The following LYPD6B variants were observed in gnomAD, a reference collection of about 807,000 sequenced individuals.
The protein encoded by LYPD6B is LY6/PLAUR domain containing 6B.
Under a neutral mutation model 22.8 loss-of-function variants are expected in LYPD6B, and 17 were observed. That is an observed-to-expected ratio of 0.75 (90% CI 0.51 to 1.12). The LOEUF (loss-of-function observed/expected upper bound fraction) is 1.12, where lower values mean the gene tolerates loss of function less well. Among genes scored for constraint, LYPD6B ranks in the 50% most tolerant of loss-of-function variants. LYPD6B has a pLI of 0.00. For missense variants in LYPD6B, 221 were observed against 258.3 expected (o/e 0.86, Z 0.99); for synonymous variants, 106 against 91.6 (o/e 1.16, Z -0.90).
Position 149,213,138 on chromosome 2 carries a change from G to A in LYPD6B, c.459+16G>A, listed in dbSNP as rs762591046. 2 of 1,613,074 alleles carry A rather than the reference G, an allele frequency of 1.2e-6. No individual in the cohort carries two copies. Among genetic ancestry groups the A allele is most frequent in the South Asian group, 1.1e-5 (1 of 90,888 alleles). On this transcript the variant is annotated intron_variant, in intron 6 of 6. Transcript: ENST00000409642. ...TGAACATACGGTAAGGATCGTGTGT[G>A]TGTGTTATTGTCTAAACTTTCATCC... is the stretch of plus-strand genomic sequence containing the variant.
intron 1 of LYPD6B, among the ~76,000 whole-genome samples, chr2:149,070,777 C>T (rs1186103510): frequency 6.6e-6 from 1 of 152,192 alleles, no homozygotes; most frequent in Non-Finnish European, 1.5e-5. Flanking sequence ...AGTAAACTCT[C>T]ATTAGTATCT....
chr2:149,079,804 A>G (rs1000717607), intron 1 of LYPD6B, among the ~76,000 whole-genome samples: 2 of 152,130 alleles, frequency 1.3e-5, no homozygotes, highest in Non-Finnish European at 2.9e-5. Flanking sequence ...TTTAGACAGG[A>G]GCATCTTAAA....
At chr2:149,165,541 A>G (rs945632231) in intron 3 of LYPD6B, among the ~76,000 whole-genome samples, 4 of 152,200 alleles carry the variant, frequency 2.6e-5, no homozygotes, top group Non-Finnish European at 4.4e-5. Context: ...TAACAACACA[A>G]GCAGGCACTA....
chr2:149,106,266 T>C (rs1393883022), intron 1 of LYPD6B, among the ~76,000 whole-genome samples: 2 of 152,148 alleles, frequency 1.3e-5, no homozygotes, highest in Non-Finnish European at 2.9e-5. Context: ...ATAATGTATA[T>C]TTCTGCTTTT....
intron 1 of LYPD6B, among the ~76,000 whole-genome samples, chr2:149,094,517 T>G (rs1053501097): frequency 4.6e-5 from 7 of 152,214 alleles, no homozygotes; most frequent in African/African-American, 1.7e-4. Context: ...GGTTAACCAC[T>G]TAGGGATTAG....
chr2:149,153,783 A>C (rs964362852), intron 2 of LYPD6B, among the ~76,000 whole-genome samples: 9 of 152,072 alleles, frequency 5.9e-5, no homozygotes, highest in Middle Eastern at 3.2e-3. Flanking sequence ...CAAAAGAAAA[A>C]AAAAAAAGAA....
chr2:149,080,047 T>G (rs1685055301), intron 1 of LYPD6B, among the ~76,000 whole-genome samples: 1 of 152,212 alleles, frequency 6.6e-6, no homozygotes. Flanking sequence ...AGTATATTTT[T>G]GTTAAGAGTT....
intron 1 of LYPD6B, among the ~76,000 whole-genome samples, chr2:149,097,363 A>T (rs556935523): frequency 1.3e-5 from 2 of 152,268 alleles, no homozygotes; most frequent in African/African-American, 4.8e-5. Flanking sequence ...CCTTTTGTGT[A>T]CACCATACCT....
Position 149,170,052 on chromosome 2 carries a change from A to G in LYPD6B, c.77+9217A>G, listed in dbSNP as rs138444364. ...GTGGATCCTTCTGGAAAGATATTTC[A>G]TAGGCCCAGGTCTTCAGCCATGTCT... On this transcript the variant is annotated intron_variant, in intron 3 of 6. Coordinates refer to ENST00000409642, the MANE Select transcript of LYPD6B (RefSeq NM_177964.5). 1.2e-4 allele frequency among the ~76,000 whole-genome samples: 18 copies of G among 152,348 alleles called. No homozygotes were observed. In the East Asian group the frequency reaches 3.3e-3, roughly 28 times the overall value.
At chr2:149,133,725 G>A (rs1327850515) in intron 2 of LYPD6B, among the ~76,000 whole-genome samples, 6 of 152,230 alleles carry the variant, frequency 3.9e-5, no homozygotes, top group Non-Finnish European at 8.8e-5. Context: ...AGGGAGAAGG[G>A]AAGGTGAGAG....
At chr2:149,140,719 C>G (rs73017043) in intron 2 of LYPD6B, among the ~76,000 whole-genome samples, 5,052 of 152,310 alleles carry the variant, frequency 0.033, 264 homozygotes, top group African/African-American at 0.11. Flanking sequence ...ATGATTGGGT[C>G]ACCAAGGAAA....
intron 3 of LYPD6B, among the ~76,000 whole-genome samples, chr2:149,171,895 T>C (rs1690853725): frequency 1.3e-5 from 2 of 152,174 alleles, no homozygotes; most frequent in Admixed American, 1.3e-4. Flanking sequence ...CTGAATTGCA[T>C]GTCTTCAATT....
intron 5 of LYPD6B, among the ~76,000 whole-genome samples, chr2:149,212,032 T>A (rs943059500): frequency 2.0e-5 from 3 of 151,746 alleles, no homozygotes; most frequent in African/African-American, 7.3e-5. Context: ...TGGAAATACA[T>A]GGATGAGAAA....
At chr2:149,084,769 G>A (rs749632879) in intron 1 of LYPD6B, among the ~76,000 whole-genome samples, 12 of 152,160 alleles carry the variant, frequency 7.9e-5, no homozygotes, top group Non-Finnish European at 1.5e-4. Flanking sequence ...GGTGTTATGT[G>A]AGCTGTTCCT....
At chr2:149,214,138 A>G (rs2106193678) in intron 6 of LYPD6B, among the ~76,000 whole-genome samples, 1 of 152,346 alleles carries the variant, frequency 6.6e-6, no homozygotes, top group East Asian at 1.9e-4. Context: ...GAGAGTCATT[A>G]TTATCCCCTA....
intron 1 of LYPD6B, among the ~76,000 whole-genome samples, chr2:149,130,048 G>C (rs975540014): frequency 6.6e-6 from 1 of 152,168 alleles, no homozygotes; most frequent in Non-Finnish European, 1.5e-5. Flanking sequence ...GCCTCTTTCT[G>C]GTAGGCCCCT....
At chr2:149,094,556 T>G (rs1179094589) in intron 1 of LYPD6B, among the ~76,000 whole-genome samples, 1 of 152,228 alleles carries the variant, frequency 6.6e-6, no homozygotes, top group Non-Finnish European at 1.5e-5. Flanking sequence ...GTTAGAGCAG[T>G]AGAGTAATTA....
chr2:149,081,560 G>A (rs1428381550), intron 1 of LYPD6B, among the ~76,000 whole-genome samples: 4 of 152,150 alleles, frequency 2.6e-5, no homozygotes, highest in Non-Finnish European at 5.9e-5. Flanking sequence ...TTGCCTGTAG[G>A]AAACAAGGAA....
chr2:149,075,711 A>T (rs1178936543), intron 1 of LYPD6B, among the ~76,000 whole-genome samples: 1 of 152,242 alleles, frequency 6.6e-6, no homozygotes, highest in Non-Finnish European at 1.5e-5. Flanking sequence ...TAACAAAAAG[A>T]AAAGTATAAA....
Sources: gnomAD v4.1 joint callset for allele counts (sites outside exome capture counted in the v4.1 genomes callset) on GRCh38, gnomAD v4.1.1 for gene constraint, MANE v1.5 for transcripts, NCBI Gene and HGNC (gene_info 2026-07-23, HGNC 2026-07-21) for gene names.